Variants in PABPC4L observed in about 807,000 individuals in gnomAD.
The protein encoded by PABPC4L is poly(A) binding protein cytoplasmic 4 like, also known as polyadenylate-binding protein 4-like.
For missense variants in PABPC4L, 452 were observed against 451.4 expected, an observed-to-expected ratio of 1.00 and a Z score of -0.01; for synonymous variants, 169 against 164.1, an observed-to-expected ratio of 1.03 and a Z score of -0.23.
chr4:133,990,640 G>GC, the PABPC4L span, among the ~76,000 whole-genome samples: 1 of 152,202 alleles, frequency 6.6e-6, no homozygotes, highest in South Asian at 2.1e-4. Context: ...AACAGCAGCA[G>GC]CCCCCCTAAG....
the PABPC4L span, among the ~76,000 whole-genome samples, chr4:133,957,762 C>T: frequency 1.9e-3 from 292 of 152,318 alleles, 1 homozygote; most frequent in African/African-American, 6.5e-3. Context: ...CTTTTGTGAA[C>T]CCACAGGCTC....
the PABPC4L span, among the ~76,000 whole-genome samples, chr4:134,078,958 G>T: frequency 3.7e-3 from 517 of 139,140 alleles, 2 homozygotes; most frequent in African/African-American, 0.013. Flanking sequence ...GTGAGCCACC[G>T]TGCCCGGGCT....
At chr4:134,108,036 T>C in the PABPC4L span, among the ~76,000 whole-genome samples, 1 of 151,606 alleles carries the variant, frequency 6.6e-6, no homozygotes, top group African/African-American at 2.4e-5. Flanking sequence ...ATTTACTATA[T>C]ACTTATAGAA....
At chr4:133,965,313 T>A in the PABPC4L span, among the ~76,000 whole-genome samples, 2 of 151,888 alleles carry the variant, frequency 1.3e-5, no homozygotes, top group Non-Finnish European at 2.9e-5. Flanking sequence ...CTGAAAGAAA[T>A]GAGAGATGAC....
At chr4:134,075,002 T>A in the PABPC4L span, among the ~76,000 whole-genome samples, 25 of 152,252 alleles carry the variant, frequency 1.6e-4, no homozygotes, top group East Asian at 3.9e-3. Context: ...ATAATCATGG[T>A]CAGTTAATCT....
At chr4:134,131,189 C>A in the PABPC4L span, among the ~76,000 whole-genome samples, 4 of 151,938 alleles carry the variant, frequency 2.6e-5, no homozygotes, top group Non-Finnish European at 5.9e-5. Context: ...AAGTCTTAAC[C>A]AGGGCAATCA....
chr4:133,962,117 A>G, the PABPC4L span, among the ~76,000 whole-genome samples: 2 of 152,194 alleles, frequency 1.3e-5, no homozygotes, highest in Non-Finnish European at 2.9e-5. Context: ...CCGTGGGACA[A>G]AAGAATCTGA....
the PABPC4L span, among the ~76,000 whole-genome samples, chr4:134,012,404 T>C: frequency 6.6e-6 from 1 of 152,084 alleles, no homozygotes; most frequent in African/African-American, 2.4e-5. Flanking sequence ...AAAAGCTCCC[T>C]ACTGAGCACC....
the PABPC4L span, among the ~76,000 whole-genome samples, chr4:133,997,010 G>A: frequency 6.6e-6 from 1 of 152,132 alleles, no homozygotes; most frequent in African/African-American, 2.4e-5. Flanking sequence ...ACAATCAGCT[G>A]CCTTCAGCTT....
At chr4:134,072,928 T>C in the PABPC4L span, among the ~76,000 whole-genome samples, 4 of 152,054 alleles carry the variant, frequency 2.6e-5, no homozygotes, top group African/African-American at 9.7e-5. Flanking sequence ...CATGATTCAA[T>C]TACCTCCCAG....
the PABPC4L span, among the ~76,000 whole-genome samples, chr4:134,163,198 C>G: frequency 2.0e-5 from 3 of 151,900 alleles, no homozygotes; most frequent in Admixed American, 2.0e-4. Flanking sequence ...TAAAGAAATA[C>G]AAAAGATCAT....
the PABPC4L span, among the ~76,000 whole-genome samples, chr4:134,002,282 A>G: frequency 2.6e-3 from 399 of 151,988 alleles, 2 homozygotes; most frequent in African/African-American, 8.9e-3. Flanking sequence ...ACCAAATTTA[A>G]TACAAAATAT....
intron 1 of PABPC4L, 50 bp from the exon 2 acceptor site, chr4:134,201,295 A>C: frequency 2.1e-6 from 3 of 1,397,804 alleles, no homozygotes; most frequent in Non-Finnish European, 2.8e-6. Flanking sequence ...CCTTCCCCTC[A>C]GATTTGTGAG....
the PABPC4L span, among the ~76,000 whole-genome samples, chr4:133,994,298 T>C: frequency 6.6e-6 from 1 of 152,122 alleles, no homozygotes; most frequent in Non-Finnish European, 1.5e-5. Context: ...GCCACTGCTT[T>C]ACCCAAATTG....
At chr4:133,997,376 C>T in the PABPC4L span, among the ~76,000 whole-genome samples, 1 of 151,880 alleles carries the variant, frequency 6.6e-6, no homozygotes, top group Non-Finnish European at 1.5e-5. Flanking sequence ...TTACAATGCA[C>T]CTGGTCACCT....
At chr4:134,092,266 A>G in the PABPC4L span, among the ~76,000 whole-genome samples, 1 of 151,866 alleles carries the variant, frequency 6.6e-6, no homozygotes, top group African/African-American at 2.4e-5. Context: ...AAAAACCCCA[A>G]ACTCCCCTGG....
At chr4:134,034,322 C>T in the PABPC4L span, among the ~76,000 whole-genome samples, 1 of 151,890 alleles carries the variant, frequency 6.6e-6, no homozygotes, top group Non-Finnish European at 1.5e-5. Flanking sequence ...TCTAGTCACC[C>T]GTGAGCTCTG....
chr4:134,196,383 T>C lies in PABPC4L; in HGVS notation c.*3524A>G, dbSNP rs1434885065. 6.6e-6 allele frequency: 1 copy of C among 151,786 alleles called. No homozygotes were observed. The highest frequency in any genetic ancestry group is 2.4e-5 in the African/African-American group (1 of 41,450). 9.4% of individuals were successfully genotyped at this position (151,786 alleles called of 1,614,324 possible). On this transcript the variant is annotated 3_prime_UTR_variant, in exon 2 of 2. Coordinates refer to ENST00000421491, the MANE Select transcript of PABPC4L (RefSeq NM_001114734.2). ...ATTTGACATTTTCTCAGTGGATCTA[T>C]AACAATATTGAGAACATGAAAATGA...
the PABPC4L span, among the ~76,000 whole-genome samples, chr4:134,056,733 A>G: frequency 1.3e-5 from 2 of 152,032 alleles, no homozygotes; most frequent in Non-Finnish European, 2.9e-5. Context: ...CTATGTATTT[A>G]ATACCCTCCA....
Sources: gnomAD v4.1 joint callset for allele counts (sites outside exome capture counted in the v4.1 genomes callset) on GRCh38, gnomAD v4.1.1 for gene constraint, MANE v1.5 for transcripts, NCBI Gene and HGNC (gene_info 2026-07-23, HGNC 2026-07-21) for gene names.